JAM2: variants seen among roughly 807,000 people sequenced by gnomAD.
JAM2 encodes the protein junctional adhesion molecule 2.
Under a neutral mutation model 42.0 loss-of-function variants are expected in JAM2, and 17 were observed. That is an observed-to-expected ratio of 0.40 (90% CI 0.28 to 0.61). The LOEUF is 0.61. Among genes scored for constraint, JAM2 ranks in the 20% least tolerant of loss-of-function variants. The probability of loss-of-function intolerance (pLI) is 0.37; values close to 1 mark genes in which losing one functional copy is unlikely to be tolerated. For missense variants in JAM2, 319 were observed against 358.3 expected, an observed-to-expected ratio of 0.89 and a Z score of 0.89; for synonymous variants, 118 against 128.6, an observed-to-expected ratio of 0.92 and a Z score of 0.56.
chr21:25,702,221 C>T lies in JAM2; in HGVS notation c.649C>T (p.Arg217Cys). 2.5e-6 allele frequency: 4 copies of T among 1,597,612 alleles called. No individual in the cohort carries two copies. Among genetic ancestry groups the T allele is most frequent in the Non-Finnish European group, 3.4e-6 (4 of 1,167,492 alleles). Reference protein sequence around the residue: ...LDTGEYSCEARNSVGYRRCPG... With the variant: ...LDTGEYSCEACNSVGYRRCPG... The stretch of plus-strand genomic sequence containing the variant: ...CACTGGAGAATATTCCTGTGAAGCC[C>T]GCAATTCTGTTGGATATCGCAGGTG... The change falls in exon 6 of 10, where the codon CGC (arginine) becomes TGC (cysteine). Residue 217 changes from arginine to cysteine, a missense_variant. By Grantham distance (180) the Arg-to-Cys change is radical. Transcript: ENST00000480456.
chr21:25,672,004 T>G (rs750663623), intron 1 of JAM2, among the ~76,000 whole-genome samples: 1 of 152,224 alleles, frequency 6.6e-6, no homozygotes, highest in Non-Finnish European at 1.5e-5. Context: ...TAAAGGAAGT[T>G]TGAAACAATA....
At chr21:25,674,849 G>A (rs892032022) in intron 1 of JAM2, among the ~76,000 whole-genome samples, 6 of 151,502 alleles carry the variant, frequency 4.0e-5, no homozygotes, top group Admixed American at 2.6e-4. Context: ...CTACCTCATT[G>A]GGTTACTTTC....
chr21:25,716,206 G>A lies in JAM2; in HGVS notation c.*1534G>A, dbSNP rs1269033944. The A allele has an allele frequency of 1.3e-5, 2 of 152,508 alleles. No individual in the cohort carries two copies. Among genetic ancestry groups the A allele is most frequent in the African/African-American group, 4.8e-5 (2 of 41,396 alleles). 9.4% of individuals were successfully genotyped at this position (152,508 alleles called of 1,614,324 possible). On this transcript the variant is annotated 3_prime_UTR_variant, in exon 10 of 10. Coordinates refer to ENST00000480456, the MANE Select transcript of JAM2 (RefSeq NM_021219.4). ...GAGAAGGGTTTCACCATGTTGGCCA[G>A]GCTGGTCTCAAACCTCTGACCTCAA...
chr21:25,712,483 C>T, intron 9 of JAM2, 101 bp downstream of exon 9: 1 of 789,802 alleles, frequency 1.3e-6, no homozygotes. Flanking sequence ...ACTTTTAATA[C>T]ACTTTGCACC....
At chr21:25,675,644 G>A (rs1312094332) in intron 1 of JAM2, among the ~76,000 whole-genome samples, 1 of 151,766 alleles carries the variant, frequency 6.6e-6, no homozygotes, top group East Asian at 1.9e-4. Context: ...AAGAAGGGAG[G>A]AAGGGAGGAA....
chr21:25,699,521 G>C lies in JAM2; in HGVS notation c.597+642G>C, dbSNP rs191500120. On this transcript the variant is annotated intron_variant, in intron 5 of 9. Transcript: ENST00000480456. ...GCGGATCACGAGGTCAGGAGATCAA[G>C]ACCATCCTGGCTAACACGGTGAAAC... 3.5e-3 allele frequency among the ~76,000 whole-genome samples: 538 copies of C among 152,016 alleles called. 1 individual carries two copies. Among genetic ancestry groups the C allele is most frequent in the African/African-American group, 0.012 (514 of 41,408 alleles).
chr21:25,705,895 CT>C (rs1471245372), intron 6 of JAM2, 83 bp from the exon 7 acceptor site: 9 of 956,032 alleles, frequency 9.4e-6, no homozygotes, highest in African/African-American at 3.2e-5. Context: ...CAAAGGGGAT[CT>C]TTTTTTGAAC....
intron 9 of JAM2, chr21:25,714,099 T>G: frequency 8.9e-7 from 1 of 1,122,650 alleles, no homozygotes; most frequent in Non-Finnish European, 1.2e-6. Flanking sequence ...CTAACAGGAT[T>G]TGTCTGCCTC....
intron 1 of JAM2, among the ~76,000 whole-genome samples, chr21:25,655,739 G>A (rs577857653): frequency 1.2e-4 from 16 of 137,236 alleles, no homozygotes; most frequent in African/African-American, 1.4e-4. Context: ...CAGGTGATCC[G>A]CCTGCCTTGG....
At chr21:25,666,197 A>T (rs2033215246) in intron 1 of JAM2, among the ~76,000 whole-genome samples, 1 of 151,604 alleles carries the variant, frequency 6.6e-6, no homozygotes, top group Admixed American at 6.6e-5. Flanking sequence ...TCAACATTTT[A>T]AAAAAGCAAA....
At chr21:25,661,191 G>A (rs1327130391) in intron 1 of JAM2, among the ~76,000 whole-genome samples, 1 of 152,128 alleles carries the variant, frequency 6.6e-6, no homozygotes, top group Non-Finnish European at 1.5e-5. Context: ...GGTGGCTAAT[G>A]CCTGTAATAC....
intron 1 of JAM2, among the ~76,000 whole-genome samples, chr21:25,670,886 T>C (rs1054788536): frequency 6.6e-6 from 1 of 152,326 alleles, no homozygotes; most frequent in African/African-American, 2.4e-5. Context: ...TTTTTTGGCT[T>C]CCTGAGGACT....
rs1487301309 is a variant in JAM2 at position 25,715,433 on chromosome 21, G to A, written c.*761G>A. 6.6e-6 allele frequency: 1 copy of A among 152,166 alleles called. No individual in the cohort carries two copies. Among genetic ancestry groups the A allele is most frequent in the Non-Finnish European group, 1.5e-5 (1 of 68,048 alleles). The allele number at this position is 152,166 out of a possible 1,614,324, so 9.4% of individuals were successfully genotyped here. ...CCTTCTTGTAAGATTTCTTTGAAGA[G>A]GATCAGTGACTTTGACATCAGAACT... On this transcript the variant is annotated 3_prime_UTR_variant, in exon 10 of 10. Transcript: ENST00000480456.
intron 1 of JAM2, among the ~76,000 whole-genome samples, chr21:25,651,265 C>T (rs2123316252): frequency 6.6e-6 from 1 of 152,144 alleles, no homozygotes; most frequent in South Asian, 2.1e-4. Flanking sequence ...AATTAAAATA[C>T]AAATATCAAA....
intron 1 of JAM2, among the ~76,000 whole-genome samples, chr21:25,662,617 C>G (rs2033118858): frequency 6.6e-6 from 1 of 152,124 alleles, no homozygotes; most frequent in Non-Finnish European, 1.5e-5. Context: ...CCGCACCTGG[C>G]TATACTTAGT....
At chr21:25,698,928 A>C (rs968257683) in intron 5 of JAM2, 49 bp downstream of exon 5, 1 of 1,505,404 alleles carries the variant, frequency 6.6e-7, no homozygotes, top group Non-Finnish European at 9.2e-7. Context: ...CATTTGGATA[A>C]AAAAATTATT....
chr21:25,657,950 T>C (rs1663743902), intron 1 of JAM2, among the ~76,000 whole-genome samples: 1 of 152,188 alleles, frequency 6.6e-6, no homozygotes, highest in Non-Finnish European at 1.5e-5. Context: ...TAAAGTTGAC[T>C]GTATAGCATG....
rs1356236680 is a variant in JAM2 at position 25,639,793 on chromosome 21, T to C, written c.-29T>C. On this transcript the variant is annotated 5_prime_UTR_variant, in exon 1 of 10. Transcript: ENST00000480456. ...CCTGCCGCCGGGACCCTCGACCTCC[T>C]CAGAGCAGCCGGCTGCCGCCCCGGG... The C allele has an allele frequency of 1.9e-6, 3 of 1,546,232 alleles. No individual in the cohort carries two copies. The highest frequency in any genetic ancestry group is 2.6e-6 in the Non-Finnish European group (3 of 1,145,906).
At chr21:25,675,527 A>G (rs1453163983) in intron 1 of JAM2, among the ~76,000 whole-genome samples, 2 of 149,572 alleles carry the variant, frequency 1.3e-5, no homozygotes, top group African/African-American at 4.9e-5. Context: ...AGAGAGAGAG[A>G]AAGAGAGAGA....
Sources: gnomAD v4.1 joint callset for allele counts (sites outside exome capture counted in the v4.1 genomes callset) on GRCh38, gnomAD v4.1.1 for gene constraint, MANE v1.5 for transcripts, NCBI Gene and HGNC (gene_info 2026-07-23, HGNC 2026-07-21) for gene names.